HMGB4: variants seen among roughly 807,000 people sequenced by gnomAD.
The protein encoded by HMGB4 is high mobility group protein B4.
For missense variants in HMGB4, 217 were observed against 220.4 expected, an observed-to-expected ratio of 0.98 and a Z score of 0.10; for synonymous variants, 82 against 84.9, an observed-to-expected ratio of 0.97 and a Z score of 0.19.
Position 33,864,475 on chromosome 1 carries a change from G to T in HMGB4, c.284G>T (p.Arg95Leu). The change falls in exon 1 of 1, where the codon CGG becomes CTG. Residue 95 changes from arginine to leucine, a missense_variant. Physicochemically the swap from Arg to Leu is moderately radical, Grantham distance 102. Transcript: ENST00000681531. ...RRKRDPQEPR[R>L]PPSSFLLFCQ... ...AAGCGGGATCCCCAGGAACCCAGAC[G>T]GCCTCCATCATCCTTCCTACTCTTC... The T allele has an allele frequency of 6.2e-7, 1 of 1,613,378 alleles. No individual in the cohort carries two copies. The highest frequency in any genetic ancestry group is 1.1e-5 in the South Asian group (1 of 91,078).
chr1:33,860,948 G>A (rs1639453941), upstream of HMGB4: 1 of 152,176 alleles, frequency 6.6e-6, no homozygotes, highest in Admixed American at 6.5e-5. Flanking sequence ...CTACAACAGA[G>A]TAGAAAATAA....
At chr1:33,861,574 G>C (rs1245288779), upstream of HMGB4, among the ~76,000 whole-genome samples, 2 of 152,146 alleles carry the variant, frequency 1.3e-5, no homozygotes, top group African/African-American at 4.8e-5. Context: ...CCAGGCACTT[G>C]GATCTCCAGA....
upstream of HMGB4, chr1:33,861,418 T>A (rs77540364): frequency 6.6e-6 from 1 of 152,276 alleles, no homozygotes; most frequent in East Asian, 1.9e-4. Flanking sequence ...ACCAAGCCTA[T>A]CATATTTACT....
At chr1:33,862,631 A>C (rs2125118254), upstream of HMGB4, 1 of 152,278 alleles carries the variant, frequency 6.6e-6, no homozygotes. Flanking sequence ...ACCCCCTACT[A>C]GCCCAGACTT....
At chr1:33,862,876 T>G (rs1639649790), upstream of HMGB4, 1 of 152,358 alleles carries the variant, frequency 6.6e-6, no homozygotes, top group Non-Finnish European at 1.5e-5. Flanking sequence ...AGATGAACAC[T>G]GAAGTCTTGG....
upstream of HMGB4, chr1:33,860,967 C>T (rs1639455237): frequency 6.6e-6 from 1 of 152,144 alleles, no homozygotes; most frequent in Admixed American, 6.5e-5. Flanking sequence ...AAGAGTATGT[C>T]ACACAAGTAG....
At chr1:33,860,688 A>C (rs549138431), upstream of HMGB4, 6 of 152,334 alleles carry the variant, frequency 3.9e-5, no homozygotes, top group East Asian at 1.2e-3. Context: ...AGACTTGCCC[A>C]AAGTTACTCA....
chr1:33,863,255 A>G (rs374418869), upstream of HMGB4: 14 of 152,288 alleles, frequency 9.2e-5, no homozygotes, highest in African/African-American at 1.9e-4. Context: ...CTTCCCTCCA[A>G]TTGAAAGACT....
upstream of HMGB4, chr1:33,861,414 C>G (rs566087075): frequency 6.6e-6 from 1 of 152,308 alleles, no homozygotes; most frequent in Admixed American, 6.5e-5. Flanking sequence ...GTTCACCAAG[C>G]CTATCATATT....
upstream of HMGB4, among the ~76,000 whole-genome samples, chr1:33,861,041 T>C (rs987281520): frequency 6.6e-6 from 1 of 152,216 alleles, no homozygotes; most frequent in African/African-American, 2.4e-5. Flanking sequence ...CTTATCCTTG[T>C]ATGGAGATAA....
At position 33,864,092 on chromosome 1, in the gene HMGB4, C is replaced by T. The variant is rs147811016; in HGVS notation, c.-100C>T. On this transcript the variant is annotated 5_prime_UTR_variant, in exon 1 of 1. Transcript: ENST00000681531. ...TACAGCTCTTGCAGACAGAAAAATTCGCTGCAAGTACAGCACTTTCTAGAT... is the reference window on the plus strand; with the variant it reads ...TACAGCTCTTGCAGACAGAAAAATTTGCTGCAAGTACAGCACTTTCTAGAT... The T allele has an allele frequency of 3.4e-3, 3,902 of 1,158,720 alleles. 16 individuals are homozygous for T. Among genetic ancestry groups the T allele is most frequent in the Middle Eastern group, 7.2e-3 (24 of 3,314 alleles). The allele number at this position is 1,158,720 out of a possible 1,614,324, so 71.8% of individuals were successfully genotyped here.
upstream of HMGB4, chr1:33,862,341 CTCTGTG>C (rs1344772372): frequency 3.1e-4 from 19 of 60,724 alleles, no homozygotes; most frequent in African/African-American, 7.8e-4. Flanking sequence ...AGATAAGCTA[CTCTGTG>C]TGTGTGTGTG....
chr1:33,864,787 C>A lies in HMGB4; in HGVS notation c.*35C>A. 1.3e-6 allele frequency: 2 copies of A among 1,538,474 alleles called. No homozygotes were observed. Among genetic ancestry groups the A allele is most frequent in the South Asian group, 1.2e-5 (1 of 80,644 alleles). ...TTTGAAAAAACAAAATGCCATTCAACCGTATTTCCTGTTCCTGGTCTCATG... is the reference window on the plus strand; with the variant it reads ...TTTGAAAAAACAAAATGCCATTCAAACGTATTTCCTGTTCCTGGTCTCATG... On this transcript the variant is annotated 3_prime_UTR_variant, in exon 1 of 1. Coordinates refer to ENST00000681531, the MANE Select transcript of HMGB4 (RefSeq NM_001379301.1).
upstream of HMGB4, among the ~76,000 whole-genome samples, chr1:33,861,949 T>TGTG (rs34482642): frequency 0.84 from 126,984 of 151,838 alleles, 53,613 homozygotes; most frequent in African/African-American, 0.95. Context: ...TCTGATCTCC[T>TGTG]GAGGGCCCCA....
At chr1:33,862,262 T>C (rs1639575437), upstream of HMGB4, 1 of 150,882 alleles carries the variant, frequency 6.6e-6, no homozygotes, top group African/African-American at 2.4e-5. Flanking sequence ...ATCTGCTAGC[T>C]TCCCGATAGC....
Position 33,864,738 on chromosome 1 carries a change from G to C in HMGB4, c.547G>C (p.Val183Leu), listed in dbSNP as rs150719354. 2.2e-5 allele frequency: 35 copies of C among 1,609,620 alleles called. No homozygotes were observed. In the African/African-American group the frequency reaches 4.6e-4, roughly 21 times the overall value. Reference protein sequence around the residue: ...SARNRCRGKRVRQS With the variant: ...SARNRCRGKRLRQS ...TAGAAACCGGTGCAGAGGGAAAAGA[G>C]TCAGGCAGAGCTGATGGATCCAGTT... Residue 183 changes from valine (V) to leucine (L), a missense_variant, in exon 1 of 1, where the codon GTC becomes CTC. Physicochemically the swap from Val to Leu is conservative, Grantham distance 32 (BLOSUM62 1). Transcript: ENST00000681531.
At chr1:33,863,921 T>A (rs188073558), upstream of HMGB4, 1 of 374,292 alleles carries the variant, frequency 2.7e-6, no homozygotes, top group African/African-American at 2.1e-5. Flanking sequence ...GAGGCAAACA[T>A]TGACCCTCAA....
chr1:33,864,647 G>C lies in HMGB4; in HGVS notation c.456G>C (p.Lys152Asn), dbSNP rs756744396. ...YEQRVALLRA[K>N]YFEELELYRK... The stretch of plus-strand genomic sequence containing the variant: ...AAAGAGTGGCTCTCCTGAGAGCTAA[G>C]TACTTCGAGGAACTTGAACTCTACC... Residue 152 changes from lysine to asparagine, a missense_variant, in exon 1 of 1, where the codon AAG becomes AAC. By Grantham distance (94) the Lys-to-Asn change is moderately conservative. Transcript: ENST00000681531. The C allele has an allele frequency of 1.2e-6, 2 of 1,613,938 alleles. No individual in the cohort carries two copies. Among genetic ancestry groups the C allele is most frequent in the South Asian group, 2.2e-5 (2 of 91,072 alleles).
At position 33,864,702 on chromosome 1, in the gene HMGB4, C is replaced by A; in HGVS notation, c.511C>A (p.Arg171=). The part of the protein sequence containing the change: ...RKQCNARKKY[R]MSARNRCRGK... ...ACAATGTAATGCCAGGAAGAAGTAC[C>A]GAATGTCAGCTAGAAACCGGTGCAG... Residue 171 remains arginine (R), a synonymous_variant, in exon 1 of 1, where the codon CGA becomes AGA. Coordinates refer to ENST00000681531, the MANE Select transcript of HMGB4 (RefSeq NM_001379301.1). The A allele has an allele frequency of 1.2e-6, 2 of 1,613,146 alleles. No individual in the cohort carries two copies. The highest frequency in any genetic ancestry group is 1.7e-6 in the Non-Finnish European group (2 of 1,179,756).
Sources: gnomAD v4.1 joint callset for allele counts (sites outside exome capture counted in the v4.1 genomes callset) on GRCh38, gnomAD v4.1.1 for gene constraint, MANE v1.5 for transcripts, NCBI Gene and HGNC (gene_info 2026-07-23, HGNC 2026-07-21) for gene names.